TTBK2: variants seen among roughly 807,000 people sequenced by gnomAD.
TTBK2 encodes the protein tau tubulin kinase 2.
In TTBK2, 28 loss-of-function variants were observed where a neutral mutation model predicts 110.8. That is an observed-to-expected ratio of 0.25 (90% CI 0.19 to 0.35). The LOEUF is 0.35. TTBK2 is among the 10% of genes least tolerant of loss of function. The pLI, the probability that TTBK2 is intolerant of heterozygous loss-of-function variation, is 1.00. For synonymous variants in TTBK2, 532 were observed against 527.3 expected, an observed-to-expected ratio of 1.01 and a Z score of -0.12; for missense variants, 1,369 against 1,500.3, an observed-to-expected ratio of 0.91 and a Z score of 1.45.
At chr15:42,860,484 A>C (rs1034921210) in intron 3 of TTBK2, among the ~76,000 whole-genome samples, 1 of 152,110 alleles carries the variant, frequency 6.6e-6, no homozygotes, top group Non-Finnish European at 1.5e-5. Flanking sequence ...ACAGTAGCTC[A>C]TCCCTGTATC....
At chr15:42,757,260 C>A (rs2061960438) in intron 13 of TTBK2, among the ~76,000 whole-genome samples, 2 of 144,948 alleles carry the variant, frequency 1.4e-5, no homozygotes, top group East Asian at 2.0e-4. Context: ...GCATGTAGCA[C>A]CACACCAGCT....
At chr15:42,884,045 T>C (rs926647071) in intron 1 of TTBK2, among the ~76,000 whole-genome samples, 3 of 152,058 alleles carry the variant, frequency 2.0e-5, no homozygotes, top group African/African-American at 4.8e-5. Flanking sequence ...TACAGAACCA[T>C]GGAAGAGCCA....
intron 3 of TTBK2, among the ~76,000 whole-genome samples, chr15:42,848,426 T>C (rs1893556519): frequency 1.3e-5 from 2 of 152,188 alleles, no homozygotes; most frequent in Admixed American, 1.3e-4. Flanking sequence ...TCTCCATTTA[T>C]TTAAATCTTC....
chr15:42,864,318 C>G (rs1894275212), intron 3 of TTBK2, among the ~76,000 whole-genome samples: 2 of 152,192 alleles, frequency 1.3e-5, no homozygotes, highest in Admixed American at 1.3e-4. Flanking sequence ...GGCGTGGTGG[C>G]TAACGCCTAT....
intron 8 of TTBK2, 90 bp from the exon 9 acceptor site, chr15:42,810,829 C>G: frequency 6.9e-7 from 1 of 1,457,776 alleles, no homozygotes; most frequent in Admixed American, 1.7e-5. Flanking sequence ...AGGGTATGTA[C>G]TAGGGAATGA....
chr15:42,789,876 C>CACACACACACACACAT (rs768850495), intron 10 of TTBK2, among the ~76,000 whole-genome samples: 3 of 151,812 alleles, frequency 2.0e-5, no homozygotes, highest in African/African-American at 4.8e-5. Flanking sequence ...CACACACACA[C>CACACACACACACACAT]ATATACATTT....
At chr15:42,830,847 T>C (rs1031819032) in intron 4 of TTBK2, among the ~76,000 whole-genome samples, 1 of 151,734 alleles carries the variant, frequency 6.6e-6, no homozygotes, top group Non-Finnish European at 1.5e-5. Context: ...CTACCAAAAA[T>C]ACAAAAATTT....
At chr15:42,905,873 A>G (rs900638976) in intron 1 of TTBK2, among the ~76,000 whole-genome samples, 3 of 152,186 alleles carry the variant, frequency 2.0e-5, no homozygotes. Context: ...TATTCATCAC[A>G]GTGCCTAGTA....
intron 3 of TTBK2, chr15:42,857,381 A>T (rs1032945556): frequency 6.6e-6 from 1 of 152,134 alleles, no homozygotes; most frequent in African/African-American, 2.4e-5. Context: ...TTAGTTGTGC[A>T]TAGTGGCATG....
At position 42,883,110 on chromosome 15, in the gene TTBK2, G is replaced by A. The variant is rs896421815; in HGVS notation, c.-67-4426C>T. Among the ~76,000 whole-genome samples, 7 of 152,092 alleles carry A rather than the reference G, an allele frequency of 4.6e-5. No homozygotes were observed. The South Asian group carries it at 6.2e-4, about 14-fold the overall frequency. On this transcript the variant is annotated intron_variant, in intron 1 of 14. Transcript: ENST00000267890. Reference sequence around the variant, plus strand: ...AAAAAAAAGGTAGAGGGCTGGGCGCGGTGGCTCACACCTGTAATCCCAACA... The same window carrying A: ...AAAAAAAAGGTAGAGGGCTGGGCGCAGTGGCTCACACCTGTAATCCCAACA...
intron 11 of TTBK2, among the ~76,000 whole-genome samples, chr15:42,782,610 T>C (rs571015457): frequency 7.2e-5 from 11 of 152,238 alleles, no homozygotes; most frequent in Non-Finnish European, 1.3e-4. Context: ...GTCTTCAATA[T>C]TTAGCTTAAT....
At chr15:42,908,403 C>G (rs932879030) in intron 1 of TTBK2, 1 of 152,072 alleles carries the variant, frequency 6.6e-6, no homozygotes, top group Non-Finnish European at 1.5e-5. Flanking sequence ...CCTAGGAGTT[C>G]AAAGCTGCAG....
chr15:42,760,680 G>C (rs1316799783), intron 13 of TTBK2, among the ~76,000 whole-genome samples: 1 of 152,124 alleles, frequency 6.6e-6, no homozygotes, highest in African/African-American at 2.4e-5. Context: ...AAACTGAAGA[G>C]AACATACAAT....
At chr15:42,846,335 G>A (rs754166109) in intron 3 of TTBK2, among the ~76,000 whole-genome samples, 6 of 151,774 alleles carry the variant, frequency 4.0e-5, no homozygotes, top group Admixed American at 2.0e-4. Context: ...GATTACAGGC[G>A]TGCACCACCA....
intron 13 of TTBK2, among the ~76,000 whole-genome samples, chr15:42,760,808 A>G (rs1268800600): frequency 1.3e-5 from 2 of 152,202 alleles, no homozygotes; most frequent in Non-Finnish European, 2.9e-5. Context: ...CTATCAAAAT[A>G]CCAATGACAT....
intron 3 of TTBK2, among the ~76,000 whole-genome samples, chr15:42,863,843 A>G (rs1373687132): frequency 2.0e-5 from 3 of 152,226 alleles, no homozygotes; most frequent in Non-Finnish European, 2.9e-5. Flanking sequence ...AGGCCTCCCT[A>G]TTCAATAAAT....
At position 42,742,796 on chromosome 15, in the gene TTBK2, A is replaced by G. The variant is rs2061758799; in HGVS notation, c.*2999T>C. On this transcript the variant is annotated 3_prime_UTR_variant, in exon 15 of 15. Coordinates refer to ENST00000267890, the MANE Select transcript of TTBK2 (RefSeq NM_173500.4). ...AGCCATGTCCCTCATCTTAGATAGA[A>G]TAACCAAATTGGTTTAAAATTACTT... 6.6e-6 allele frequency: 1 copy of G among 152,238 alleles called. No individual in the cohort carries two copies. Among genetic ancestry groups the G allele is most frequent in the South Asian group, 2.1e-4 (1 of 4,838 alleles). 9.4% of individuals were successfully genotyped at this position (152,238 alleles called of 1,614,324 possible). A position where few individuals can be genotyped will look rare whatever the true frequency, so the allele number is the denominator to read the frequency against.
intron 1 of TTBK2, among the ~76,000 whole-genome samples, chr15:42,892,964 T>A (rs556099545): frequency 7.0e-6 from 1 of 142,742 alleles, no homozygotes; most frequent in African/African-American, 2.7e-5. Flanking sequence ...TCAGCCAAGA[T>A]CATGCCACTG....
rs2061741440 is a variant in TTBK2, at chr15:42,740,158, G to A, written c.*5637C>T. 1 of 152,158 alleles carries A rather than the reference G, an allele frequency of 6.6e-6. No individual in the cohort carries two copies. The highest frequency in any genetic ancestry group is 6.5e-5 in the Admixed American group (1 of 15,276). 9.4% of individuals were successfully genotyped at this position (152,158 alleles called of 1,614,324 possible). A position where few individuals can be genotyped will look rare whatever the true frequency, so the allele number is the denominator to read the frequency against. The stretch of plus-strand genomic sequence containing the variant: ...AACCCAGAGCCAGGGTACCTGGGAG[G>A]CATGGTCAGCATCGCCAGTGTACAT... On this transcript the variant is annotated 3_prime_UTR_variant, in exon 15 of 15. Transcript: ENST00000267890.
Sources: gnomAD v4.1 joint callset for allele counts (sites outside exome capture counted in the v4.1 genomes callset) on GRCh38, gnomAD v4.1.1 for gene constraint, MANE v1.5 for transcripts, NCBI Gene and HGNC (gene_info 2026-07-23, HGNC 2026-07-21) for gene names.